EPHA3: variants seen among roughly 807,000 people sequenced by gnomAD.
The protein encoded by EPHA3 is EPH receptor A3, also known as ephrin type-A receptor 3.
In EPHA3, 42 loss-of-function variants were observed where a neutral mutation model predicts 107.1. The ratio of observed to expected loss-of-function variants is 0.39; its 90% CI spans 0.31 to 0.51. The LOEUF is 0.51. Ranked by LOEUF, EPHA3 falls within the 20% of genes least tolerant of loss-of-function variation. The pLI, the probability that EPHA3 is intolerant of heterozygous loss-of-function variation, is 0.78. For missense variants in EPHA3, 1,183 were observed against 1,211.2 expected, an observed-to-expected ratio of 0.98 and a Z score of 0.35; for synonymous variants, 461 against 424.8, an observed-to-expected ratio of 1.09 and a Z score of -1.05.
At chr3:89,457,592 C>A (rs530647694) in intron 15 of EPHA3, among the ~76,000 whole-genome samples, 15 of 152,170 alleles carry the variant, frequency 9.9e-5, no homozygotes, top group Non-Finnish European at 1.8e-4. Context: ...GAAACTGGCC[C>A]CTGGTGCCAA....
intron 15 of EPHA3, among the ~76,000 whole-genome samples, chr3:89,461,146 G>T (rs1710231040): frequency 1.1e-5 from 1 of 91,842 alleles, no homozygotes; most frequent in Non-Finnish European, 2.0e-5. Flanking sequence ...TCCCTACAAA[G>T]GATATGAACT....
In EPHA3 at chr3:89,404,343, C is replaced by T. The variant is rs79050232; in HGVS notation, c.1595-2926C>T. ...AGCACTTAATATATGCTTGGCACTA[C>T]TGTAAGTGTTTTACTAGTACTAACT... On this transcript the variant is annotated intron_variant, in intron 7 of 16. Transcript: ENST00000336596. Among the ~76,000 whole-genome samples the T allele has an allele frequency of 9.6e-4, 146 of 152,274 alleles. 1 individual carries two copies. The East Asian group carries it at 0.022, about 23-fold the overall frequency.
chr3:89,431,048 T>C, intron 12 of EPHA3, 102 bp from the exon 13 acceptor site: 1 of 1,206,076 alleles, frequency 8.3e-7, no homozygotes, highest in South Asian at 1.5e-5. Flanking sequence ...GTGTGTATAG[T>C]CAGTCTTGTT....
intron 16 of EPHA3, among the ~76,000 whole-genome samples, chr3:89,476,286 C>CA (rs1192117849): frequency 1.4e-5 from 2 of 147,684 alleles, no homozygotes; most frequent in Non-Finnish European, 3.0e-5. Context: ...CAGTTTTTTG[C>CA]AGAACATTTC....
intron 3 of EPHA3, among the ~76,000 whole-genome samples, chr3:89,316,621 G>A (rs796874210): frequency 4.0e-4 from 60 of 148,994 alleles, no homozygotes; most frequent in African/African-American, 1.4e-3. Context: ...TGTAGATTTT[G>A]AAAGCAGGAG....
At chr3:89,385,230 T>C (rs964820828) in intron 5 of EPHA3, among the ~76,000 whole-genome samples, 7 of 152,182 alleles carry the variant, frequency 4.6e-5, no homozygotes, top group Non-Finnish European at 8.8e-5. Context: ...CAGCTTCAAG[T>C]GGACAATAAG....
At chr3:89,393,200 C>T (rs1341597840) in intron 5 of EPHA3, among the ~76,000 whole-genome samples, 2 of 152,074 alleles carry the variant, frequency 1.3e-5, no homozygotes, top group African/African-American at 2.4e-5. Flanking sequence ...TTTAACATAG[C>T]GATGGCACAA....
intron 2 of EPHA3, among the ~76,000 whole-genome samples, chr3:89,150,921 A>T (rs974751340): frequency 9.2e-5 from 14 of 152,098 alleles, no homozygotes; most frequent in Middle Eastern, 3.4e-3. Context: ...GGCTGCAGTG[A>T]GCTATGGATC....
intron 2 of EPHA3, among the ~76,000 whole-genome samples, chr3:89,172,192 TG>T (rs1705227048): frequency 6.6e-6 from 1 of 152,220 alleles, no homozygotes; most frequent in Admixed American, 6.5e-5. Context: ...TTATGCGTGT[TG>T]TTGTGAACAT....
At chr3:89,431,093 GATATATCTTTAAGA>G (rs1709557814) in intron 12 of EPHA3, 43 bp from the exon 13 acceptor site, 1 of 1,547,634 alleles carries the variant, frequency 6.5e-7, no homozygotes, top group Admixed American at 1.8e-5. Flanking sequence ...AACCAATAAA[GATATATCTTTAAGA>G]AATAGGAACG....
intron 5 of EPHA3, among the ~76,000 whole-genome samples, chr3:89,380,425 G>T (rs1708478866): frequency 6.6e-6 from 1 of 152,134 alleles, no homozygotes; most frequent in South Asian, 2.1e-4. Flanking sequence ...AAAGTTAGCA[G>T]TTTATTATTT....
At chr3:89,423,297 A>C (rs1164006627) in intron 11 of EPHA3, among the ~76,000 whole-genome samples, 5 of 151,426 alleles carry the variant, frequency 3.3e-5, no homozygotes, top group Admixed American at 6.6e-5. Flanking sequence ...ATGAGTATCC[A>C]CTTTCACTAA....
intron 1 of EPHA3, among the ~76,000 whole-genome samples, chr3:89,112,504 A>G (rs1707133673): frequency 6.6e-6 from 1 of 152,084 alleles, no homozygotes; most frequent in Non-Finnish European, 1.5e-5. Flanking sequence ...TAATGTTAAA[A>G]TCCTTTCAGA....
chr3:89,385,643 T>G (rs1708601383), intron 5 of EPHA3, among the ~76,000 whole-genome samples: 1 of 152,068 alleles, frequency 6.6e-6, no homozygotes. Context: ...AAGACTAATA[T>G]AGTAAATTGG....
chr3:89,300,359 A>G (rs1008086491), intron 3 of EPHA3, among the ~76,000 whole-genome samples: 6 of 152,094 alleles, frequency 3.9e-5, no homozygotes, highest in African/African-American at 1.4e-4. Flanking sequence ...ATATATTAAT[A>G]TGTAAAGTAT....
At chr3:89,476,614 T>C (rs1324557377) in intron 16 of EPHA3, among the ~76,000 whole-genome samples, 16 of 144,238 alleles carry the variant, frequency 1.1e-4, no homozygotes, top group Non-Finnish European at 2.1e-4. Context: ...TATTTATTTA[T>C]TTAATTTTTT....
chr3:89,377,045 C>T (rs928041259), intron 5 of EPHA3, among the ~76,000 whole-genome samples: 1 of 152,010 alleles, frequency 6.6e-6, no homozygotes, highest in African/African-American at 2.4e-5. Context: ...TTGCTTCCCT[C>T]ATTATAAATG....
At chr3:89,333,609 C>T (rs1479090088) in intron 3 of EPHA3, among the ~76,000 whole-genome samples, 1 of 152,172 alleles carries the variant, frequency 6.6e-6, no homozygotes, top group Non-Finnish European at 1.5e-5. Flanking sequence ...CAGGGTGGCT[C>T]ATGCCTGTAA....
At chr3:89,457,750 T>C (rs933202991) in intron 15 of EPHA3, among the ~76,000 whole-genome samples, 1 of 152,206 alleles carries the variant, frequency 6.6e-6, no homozygotes, top group Non-Finnish European at 1.5e-5. Context: ...GGAATAGTTC[T>C]TTGGCAGCTA....
Sources: gnomAD v4.1 joint callset for allele counts (sites outside exome capture counted in the v4.1 genomes callset) on GRCh38, gnomAD v4.1.1 for gene constraint, MANE v1.5 for transcripts, NCBI Gene and HGNC (gene_info 2026-07-23, HGNC 2026-07-21) for gene names.